The following CRISP2 variants were observed in gnomAD, a reference collection of about 807,000 sequenced individuals.
The protein encoded by CRISP2 is cysteine-rich secretory protein 2.
Under a neutral mutation model 31.7 loss-of-function variants are expected in CRISP2, and 29 were observed. The observed-to-expected ratio is 0.92, with a 90% CI of 0.68 to 1.25. CRISP2 has a LOEUF of 1.25. Among genes scored for constraint, CRISP2 ranks in the 50% most tolerant of loss-of-function variants. CRISP2 has a pLI of 0.00. For missense variants in CRISP2, 318 were observed against 286.5 expected, an observed-to-expected ratio of 1.11 and a Z score of -0.79; for synonymous variants, 111 against 101.4, an observed-to-expected ratio of 1.09 and a Z score of -0.57.
At chr6:49,713,780 C>G (rs983735206), upstream of CRISP2, among the ~76,000 whole-genome samples, 11 of 152,130 alleles carry the variant, frequency 7.2e-5, no homozygotes, top group Non-Finnish European at 1.3e-4. Context: ...ATACCTGCGC[C>G]GTACTAGGAG....
At chr6:49,683,134 G>A in the CRISP2 span, among the ~76,000 whole-genome samples, 1 of 150,374 alleles carries the variant, frequency 6.7e-6, no homozygotes, top group African/African-American at 2.5e-5. Flanking sequence ...CTCCAGCCTG[G>A]GCGACATGAG....
chr6:49,699,870 T>C lies in CRISP2; in HGVS notation c.205A>G (p.Thr69Ala). 1 of 1,612,708 alleles carries C rather than the reference T, an allele frequency of 6.2e-7. No individual in the cohort carries two copies. The highest frequency in any genetic ancestry group is 8.5e-7 in the Non-Finnish European group (1 of 1,179,190). ...TTGTTTGCCCACCTTTGGGCATTCG[T>C]TGTTACCTCTCTGCTCCATTCCTAA... ...LKMEWSREVT[T>A]NAQRWANKCT... Residue 69 changes from threonine to alanine, a missense_variant, in exon 6 of 10, where the codon ACG becomes GCG. Physicochemically the swap from Thr to Ala is moderately conservative, Grantham distance 58. Coordinates refer to ENST00000339139, the MANE Select transcript of CRISP2 (RefSeq NM_003296.4).
chr6:49,698,530 G>A (rs896978034), intron 6 of CRISP2, 23 bp from the exon 7 acceptor site: 1 of 1,586,166 alleles, frequency 6.3e-7, no homozygotes, highest in African/African-American at 1.4e-5. Context: ...TCATTCATGA[G>A]CAAGGTAATA....
the CRISP2 span, among the ~76,000 whole-genome samples, chr6:49,683,683 AAAAAAAAAAAAATATATATATAT>A: frequency 7.7e-5 from 4 of 51,842 alleles, no homozygotes; most frequent in Non-Finnish European, 1.6e-4. Context: ...AAAAAAAAAA[AAAAAAAAAAAAATATATATATAT>A]ATATATATAT....
the CRISP2 span, among the ~76,000 whole-genome samples, chr6:49,683,224 A>T: frequency 6.6e-6 from 1 of 151,846 alleles, no homozygotes; most frequent in Non-Finnish European, 1.5e-5. Flanking sequence ...TATACAATAC[A>T]GCACACAAAA....
chr6:49,681,538 A>C, the CRISP2 span, among the ~76,000 whole-genome samples: 1 of 152,224 alleles, frequency 6.6e-6, no homozygotes, highest in Non-Finnish European at 1.5e-5. Flanking sequence ...TGTGGGCAAT[A>C]ACATATAGAT....
At chr6:49,699,656 C>A (rs776035429) in intron 6 of CRISP2, 148 bp downstream of exon 6, 1 of 540,038 alleles carries the variant, frequency 1.9e-6, no homozygotes, top group Non-Finnish European at 3.2e-6. Flanking sequence ...TTGTAAATAC[C>A]CCTCTGTATA....
chr6:49,695,737 A>C (rs1287575761), intron 9 of CRISP2, 99 bp downstream of exon 9: 1 of 1,003,294 alleles, frequency 1.0e-6, no homozygotes, highest in Non-Finnish European at 1.5e-6. Flanking sequence ...CCAATACATT[A>C]TTTCAATTCA....
chr6:49,683,441 G>A, the CRISP2 span, among the ~76,000 whole-genome samples: 1 of 150,500 alleles, frequency 6.6e-6, no homozygotes, highest in African/African-American at 2.4e-5. Flanking sequence ...TTGGGAGGCT[G>A]AGGCAGGCAG....
At chr6:49,677,956 A>C in the CRISP2 span, among the ~76,000 whole-genome samples, 1 of 152,090 alleles carries the variant, frequency 6.6e-6, no homozygotes, top group Admixed American at 6.6e-5. Flanking sequence ...TTTAGGATCA[A>C]TGTTAGACTT....
chr6:49,708,057 T>C (rs1767375429), intron 4 of CRISP2, among the ~76,000 whole-genome samples: 1 of 152,144 alleles, frequency 6.6e-6, no homozygotes, highest in Non-Finnish European at 1.5e-5. Context: ...ACCCTAACTA[T>C]ACAAATTAAA....
At chr6:49,687,450 C>T (rs947392216), downstream of CRISP2, among the ~76,000 whole-genome samples, 15 of 152,096 alleles carry the variant, frequency 9.9e-5, no homozygotes, top group Non-Finnish European at 2.2e-4. Flanking sequence ...TCTTCCTGTC[C>T]TTTGACATCA....
At chr6:49,711,412 T>G (rs1246558603) in intron 2 of CRISP2, 91 bp from the exon 3 acceptor site, 3 of 152,216 alleles carry the variant, frequency 2.0e-5, no homozygotes, top group African/African-American at 7.2e-5. Context: ...TAAATAAATC[T>G]AAGTCAACAA....
chr6:49,697,594 A>C (rs1764980605), intron 8 of CRISP2: 3 of 701,156 alleles, frequency 4.3e-6, no homozygotes, highest in South Asian at 3.1e-5. Context: ...ATGCTCACAG[A>C]GTAACCCTAA....
chr6:49,702,523 C>A (rs2127416550), intron 4 of CRISP2, among the ~76,000 whole-genome samples: 1 of 152,008 alleles, frequency 6.6e-6, no homozygotes, highest in South Asian at 2.1e-4. Flanking sequence ...GTGTTAGCCT[C>A]ATTGTGGTTT....
At position 49,692,873 on chromosome 6, in the gene CRISP2, A is replaced by T; in HGVS notation, c.632T>A (p.Leu211Gln). The change falls in exon 10 of 10, where the codon CTA (leucine) becomes CAA (glutamine). Residue 211 changes from leucine (L) to glutamine (Q), a missense_variant. Transcript: ENST00000339139. Reference sequence around the variant, plus strand: ...ATTCTTCAAGGAATCACAGTTACTTAGGAGATCTTGATACTGGCAACTATT... The same window carrying T: ...ATTCTTCAAGGAATCACAGTTACTTTGGAGATCTTGATACTGGCAACTATT... ...CTNSCQYQDL[L>Q]SNCDSLKNTA... The T allele has an allele frequency of 6.2e-7, 1 of 1,613,736 alleles. No homozygotes were observed. The highest frequency in any genetic ancestry group is 8.5e-7 in the Non-Finnish European group (1 of 1,179,704).
At chr6:49,685,397 C>G in the CRISP2 span, among the ~76,000 whole-genome samples, 11,391 of 152,182 alleles carry the variant, frequency 0.075, 840 homozygotes, top group African/African-American at 0.19. Flanking sequence ...AAGGCAGGGA[C>G]TCACTTTGTT....
At chr6:49,710,659 G>A (rs1767856402) in intron 3 of CRISP2, among the ~76,000 whole-genome samples, 2 of 151,964 alleles carry the variant, frequency 1.3e-5, no homozygotes, top group African/African-American at 2.4e-5. Context: ...ATTGTCTCAA[G>A]TCACAAACAT....
At chr6:49,691,529 T>C (rs1349736949), downstream of CRISP2, among the ~76,000 whole-genome samples, 6 of 152,072 alleles carry the variant, frequency 3.9e-5, no homozygotes, top group Non-Finnish European at 7.4e-5. Context: ...ATATTGCTGA[T>C]ACATTTACTA....
Sources: allele counts gnomAD v4.1 joint callset (sites outside exome capture counted in the v4.1 genomes callset), GRCh38; gene constraint gnomAD v4.1.1; transcripts MANE v1.5; gene names NCBI Gene and HGNC (gene_info 2026-07-23, HGNC 2026-07-21).